Variants in TIAM1 observed in about 807,000 individuals in gnomAD.
TIAM1 encodes TIAM Rac1 associated GEF 1.
In TIAM1, 65 loss-of-function variants were observed where a neutral mutation model predicts 163.5. The observed-to-expected ratio is 0.40, with a 90% CI of 0.33 to 0.49. The LOEUF (loss-of-function observed/expected upper bound fraction) is 0.49. Among genes scored for constraint, TIAM1 ranks in the 20% least tolerant of loss-of-function variants. The probability of loss-of-function intolerance (pLI) is 0.77; values close to 1 mark genes in which losing one functional copy is unlikely to be tolerated. For synonymous variants in TIAM1, 833 were observed against 810.1 expected (o/e 1.03, Z -0.48); for missense variants, 1,789 against 2,044.7 (o/e 0.87, Z 2.41).
intron 1 of TIAM1, among the ~76,000 whole-genome samples, chr21:31,525,504 C>T (rs1476326687): frequency 6.6e-6 from 1 of 152,056 alleles, no homozygotes; most frequent in Non-Finnish European, 1.5e-5. Flanking sequence ...ACCTCCAACA[C>T]TAGGAAACAA....
chr21:31,148,717 T>C lies in TIAM1; in HGVS notation c.3367-1714A>G, dbSNP rs775364441. On this transcript the variant is annotated intron_variant, in intron 19 of 27. Coordinates refer to ENST00000541036, the MANE Select transcript of TIAM1 (RefSeq NM_001353694.2). ...TCACTTATTCCTCCCGCCTTAAAAA[T>C]TGATTCTCAGGGAACAATGTGCACA... 5.9e-5 allele frequency among the ~76,000 whole-genome samples: 9 copies of C among 152,292 alleles called. No homozygotes were observed. In the East Asian group the frequency reaches 1.7e-3, roughly 29 times the overall value.
intron 16 of TIAM1, among the ~76,000 whole-genome samples, chr21:31,163,837 T>A (rs1344709824): frequency 1.3e-5 from 2 of 152,194 alleles, no homozygotes; most frequent in African/African-American, 4.8e-5. Context: ...AGTTATGTGA[T>A]TTGCTTAGGT....
chr21:31,314,381 A>G (rs2075034956), intron 2 of TIAM1, among the ~76,000 whole-genome samples: 1 of 152,220 alleles, frequency 6.6e-6, no homozygotes, highest in South Asian at 2.1e-4. Flanking sequence ...AAATGTTAGT[A>G]AGCCCACTAA....
At chr21:31,397,727 A>G (rs1252940250) in intron 2 of TIAM1, among the ~76,000 whole-genome samples, 3 of 152,156 alleles carry the variant, frequency 2.0e-5, no homozygotes, top group Non-Finnish European at 4.4e-5. Context: ...TGTAAAACAA[A>G]CCTCTCTATA....
intron 2 of TIAM1, among the ~76,000 whole-genome samples, chr21:31,440,354 C>T (rs779143816): frequency 7.2e-5 from 11 of 152,264 alleles, no homozygotes; most frequent in Admixed American, 2.0e-4. Flanking sequence ...TTTCTTCTTA[C>T]CTAGTCCTTA....
intron 5 of TIAM1, among the ~76,000 whole-genome samples, chr21:31,250,008 T>C (rs1410387455): frequency 1.3e-5 from 2 of 151,876 alleles, no homozygotes; most frequent in Non-Finnish European, 2.9e-5. Flanking sequence ...TAGCCAGGCA[T>C]GGTGGCACAT....
At chr21:31,442,064 T>TAAAAAAAAAAAAAAA (rs1250832519) in intron 2 of TIAM1, among the ~76,000 whole-genome samples, 1 of 84,710 alleles carries the variant, frequency 1.2e-5, no homozygotes, top group African/African-American at 5.1e-5. Context: ...TCAGAACAAA[T>TAAAAAAAAAAAAAAA]AAATAAATAT....
In TIAM1 at chr21:31,245,663, G is replaced by A. The variant is rs2071463253; in HGVS notation, c.1412-3C>T. The A allele has an allele frequency of 1.3e-6, 2 of 1,568,180 alleles. No homozygotes were observed. Among genetic ancestry groups the A allele is most frequent in the Non-Finnish European group, 8.6e-7 (1 of 1,157,488 alleles). On this transcript the variant is annotated splice_region_variant and splice_polypyrimidine_tract_variant and intron_variant, in intron 5 of 27. Coordinates refer to ENST00000541036, the MANE Select transcript of TIAM1 (RefSeq NM_001353694.2). ...CTCGTAGAAAAATAGCGTGCATCCT[G>A]AGGAAACAGAACAGGGGTGTGCATG...
Position 31,394,700 on chromosome 21 carries a change from TCTCTCTCG to T in TIAM1, c.-368-55286_-368-55279del, listed in dbSNP as rs368266430. ...AAAATCTACTCATTCTCTCTCTCTC[TCTCTCTCG>T]CTCTCTCTCTCTCTCTCTCTCACAC... is the stretch of plus-strand genomic sequence containing the variant. On this transcript the variant is annotated intron_variant, in intron 2 of 28. Coordinates refer to the TIAM1 transcript ENST00000286827. Among the ~76,000 whole-genome samples, 185 of 92,466 alleles carry T rather than the reference TCTCTCTCG, an allele frequency of 2.0e-3. 1 individual carries two copies. Among genetic ancestry groups the T allele is most frequent in the African/African-American group, 8.2e-3 (170 of 20,736 alleles). The allele number at this position is 92,466 out of a possible 152,430, so 60.7% of individuals were successfully genotyped here.
chr21:31,245,684 G>T, intron 5 of TIAM1, 24 bp from the exon 6 acceptor site: 1 of 1,491,686 alleles, frequency 6.7e-7, no homozygotes, highest in Non-Finnish European at 9.0e-7. Flanking sequence ...ACAGGGGTGT[G>T]CATGAGTATT....
At chr21:31,260,662 T>C (rs1323110748) in intron 4 of TIAM1, among the ~76,000 whole-genome samples, 1 of 148,868 alleles carries the variant, frequency 6.7e-6, no homozygotes, top group African/African-American at 2.5e-5. Flanking sequence ...ATCTCATTGC[T>C]TAACTTACGT....
chr21:31,440,416 A>C (rs2044376143), intron 2 of TIAM1, among the ~76,000 whole-genome samples: 1 of 152,200 alleles, frequency 6.6e-6, no homozygotes, highest in Non-Finnish European at 1.5e-5. Context: ...CAGTCCCCAA[A>C]TATCTGATTA....
intron 2 of TIAM1, among the ~76,000 whole-genome samples, chr21:31,293,628 C>A (rs1172077354): frequency 1.3e-5 from 2 of 152,218 alleles, no homozygotes; most frequent in African/African-American, 4.8e-5. Flanking sequence ...CCCACAAGGC[C>A]ACCTGTCCTG....
intron 2 of TIAM1, among the ~76,000 whole-genome samples, chr21:31,328,944 C>G (rs1601983252): frequency 6.6e-6 from 1 of 152,260 alleles, no homozygotes; most frequent in African/African-American, 2.4e-5. Context: ...CCATACCCAG[C>G]CCAGACATTT....
At position 31,458,284 on chromosome 21, in the gene TIAM1, G is replaced by A. The variant is rs556933029; in HGVS notation, c.-369+5699C>T. Among the ~76,000 whole-genome samples, 4 of 152,168 alleles carry A rather than the reference G, an allele frequency of 2.6e-5. No individual in the cohort carries two copies. In the South Asian group the frequency reaches 8.3e-4, roughly 32 times the overall value. ...AAATACAAAAATTAGCTGGGCATAG[G>A]GGGCGGGCGCCTGTAATCCCAGCTA... On this transcript the variant is annotated intron_variant, in intron 2 of 28. Coordinates refer to the TIAM1 transcript ENST00000286827.
At chr21:31,134,708 AC>A (rs1375935439) in intron 23 of TIAM1, among the ~76,000 whole-genome samples, 1 of 152,116 alleles carries the variant, frequency 6.6e-6, no homozygotes. Flanking sequence ...ACGGGGTTTC[AC>A]CATATTAGCC....
rs1315834678 is a variant in TIAM1, at chr21:31,222,867, G to A, written c.1995+539C>T. ...TGAGTAGCTGGGATTACAGGTGTATGTCACCACACCCAGGTAATTTCTGTA... is the reference window on the plus strand; with the variant it reads ...TGAGTAGCTGGGATTACAGGTGTATATCACCACACCCAGGTAATTTCTGTA... On this transcript the variant is annotated intron_variant, in intron 8 of 27. Transcript: ENST00000541036. 4.0e-5 allele frequency among the ~76,000 whole-genome samples: 6 copies of A among 151,190 alleles called. No individual in the cohort carries two copies. In the East Asian group the frequency reaches 9.8e-4, roughly 25 times the overall value.
intron 1 of TIAM1, among the ~76,000 whole-genome samples, chr21:31,506,165 C>G (rs2047019729): frequency 6.6e-6 from 1 of 151,836 alleles, no homozygotes; most frequent in South Asian, 2.1e-4. Flanking sequence ...CTCTTCACAG[C>G]AGGAAATCAG....
intron 15 of TIAM1, 107 bp downstream of exon 15, chr21:31,182,314 C>T: frequency 2.1e-6 from 2 of 949,036 alleles, no homozygotes; most frequent in South Asian, 2.1e-5. Flanking sequence ...TTTTATACCA[C>T]CTGCCAGACA....
Sources: gnomAD v4.1 joint callset for allele counts (sites outside exome capture counted in the v4.1 genomes callset) on GRCh38, gnomAD v4.1.1 for gene constraint, MANE v1.5 for transcripts, NCBI Gene and HGNC (gene_info 2026-07-23, HGNC 2026-07-21) for gene names.